Variants in PRIM2 observed in about 807,000 individuals in gnomAD.
The protein encoded by PRIM2 is DNA primase large subunit.
In PRIM2, 39 loss-of-function variants were observed where a neutral mutation model predicts 67.3. The ratio of observed to expected loss-of-function variants is 0.58; its 90% CI spans 0.45 to 0.76. PRIM2 has a LOEUF of 0.76. Among genes scored for constraint, PRIM2 ranks in the 30% least tolerant of loss-of-function variants. PRIM2 has a pLI of 0.00. For missense variants in PRIM2, 398 were observed against 598.7 expected (o/e 0.66, Z 3.50); for synonymous variants, 143 against 198.7 (o/e 0.72, Z 2.36).
chr6:57,296,903 G>A, the PRIM2 span, among the ~76,000 whole-genome samples: 2 of 151,992 alleles, frequency 1.3e-5, no homozygotes, highest in Non-Finnish European at 2.9e-5. Context: ...AAAACAGATG[G>A]GGACATGTTG....
the PRIM2 span, among the ~76,000 whole-genome samples, chr6:57,254,999 C>T: frequency 1.3e-5 from 2 of 152,178 alleles, no homozygotes; most frequent in Non-Finnish European, 2.9e-5. Context: ...GGCCTTTTCC[C>T]TGTACCCAGT....
chr6:57,626,953 T>C (rs1406523306), intron 12 of PRIM2, among the ~76,000 whole-genome samples: 3 of 151,874 alleles, frequency 2.0e-5, no homozygotes, highest in African/African-American at 7.2e-5. Flanking sequence ...ATATTCTTAC[T>C]GGTGGACTTT....
intron 7 of PRIM2, among the ~76,000 whole-genome samples, chr6:57,478,980 C>G (rs1482064625): frequency 2.0e-5 from 3 of 152,136 alleles, no homozygotes; most frequent in African/African-American, 7.2e-5. Flanking sequence ...AACCCCATCT[C>G]TATTAAAAAT....
At chr6:57,572,817 A>T (rs1262731480) in intron 10 of PRIM2, among the ~76,000 whole-genome samples, 1 of 152,224 alleles carries the variant, frequency 6.6e-6, no homozygotes, top group East Asian at 1.9e-4. Context: ...ATTATTTGGT[A>T]TTATAAGGTA....
chr6:57,640,126 G>A (rs2127501429), intron 13 of PRIM2, among the ~76,000 whole-genome samples: 1 of 152,276 alleles, frequency 6.6e-6, no homozygotes, highest in Non-Finnish European at 1.5e-5. Context: ...CAGAACCAAT[G>A]ACAAAAACCA....
chr6:57,610,690 C>A (rs1417122835), intron 12 of PRIM2, among the ~76,000 whole-genome samples: 1 of 151,990 alleles, frequency 6.6e-6, no homozygotes, highest in African/African-American at 2.4e-5. Flanking sequence ...TATGCCCCAA[C>A]AACATAGCTT....
At chr6:57,432,720 A>G (rs1376601246) in intron 7 of PRIM2, among the ~76,000 whole-genome samples, 1 of 152,206 alleles carries the variant, frequency 6.6e-6, no homozygotes, top group South Asian at 2.1e-4. Flanking sequence ...ACAGGATGTT[A>G]AGCTTTTAAA....
the PRIM2 span, among the ~76,000 whole-genome samples, chr6:57,254,415 T>C: frequency 1.3e-5 from 2 of 152,184 alleles, no homozygotes; most frequent in Non-Finnish European, 2.9e-5. Context: ...TCACCACAAC[T>C]TCACCTACTC....
intron 7 of PRIM2, among the ~76,000 whole-genome samples, chr6:57,440,803 C>G (rs896171489): frequency 6.6e-6 from 1 of 152,190 alleles, no homozygotes; most frequent in Non-Finnish European, 1.5e-5. Flanking sequence ...GTGAAGCTGT[C>G]TCTGTCTAAA....
intron 5 of PRIM2, among the ~76,000 whole-genome samples, chr6:57,345,285 A>G (rs1768633461): frequency 6.6e-6 from 1 of 151,804 alleles, no homozygotes; most frequent in Non-Finnish European, 1.5e-5. Context: ...AGCCTCCCTA[A>G]TAGCTGGAAT....
chr6:57,644,491 T>A (rs1309991433), intron 13 of PRIM2, among the ~76,000 whole-genome samples: 1 of 152,244 alleles, frequency 6.6e-6, no homozygotes, highest in Non-Finnish European at 1.5e-5. Flanking sequence ...TATGACTTAC[T>A]GGGTTGGAAA....
chr6:57,605,379 A>C (rs1349618578), intron 11 of PRIM2, among the ~76,000 whole-genome samples: 1 of 152,162 alleles, frequency 6.6e-6, no homozygotes, highest in Admixed American at 6.5e-5. Flanking sequence ...ATCTGGTAGA[A>C]TTTGGCTGTG....
At chr6:57,508,582 T>C (rs1468837750) in intron 8 of PRIM2, among the ~76,000 whole-genome samples, 1 of 152,228 alleles carries the variant, frequency 6.6e-6, no homozygotes, top group Non-Finnish European at 1.5e-5. Flanking sequence ...ATTTTAAAGA[T>C]TTAAGTGTAT....
chr6:57,247,847 T>A, the PRIM2 span, among the ~76,000 whole-genome samples: 3 of 152,232 alleles, frequency 2.0e-5, no homozygotes, highest in Admixed American at 6.5e-5. Flanking sequence ...ACTGTCATTC[T>A]GGATACATTT....
chr6:57,543,749 AT>A lies in PRIM2; in HGVS notation c.1020+6135del, dbSNP rs1310322745. Among the ~76,000 whole-genome samples, 979 of 147,496 alleles carry A rather than the reference AT, an allele frequency of 6.6e-3. 9 individuals are homozygous for A. The highest frequency in any genetic ancestry group is 0.022 in the African/African-American group (878 of 40,452). Reference sequence around the variant, plus strand: ...TTACTTACCTGTGCCTGTTGCAGGCATTTTTTTTTTTAACACTTTGCTTTTA... The same window carrying A: ...TTACTTACCTGTGCCTGTTGCAGGCATTTTTTTTTTAACACTTTGCTTTTA... On this transcript the variant is annotated intron_variant, in intron 10 of 13. Transcript: ENST00000615550.
At chr6:57,298,522 T>C in the PRIM2 span, among the ~76,000 whole-genome samples, 33 of 152,042 alleles carry the variant, frequency 2.2e-4, no homozygotes, top group Non-Finnish European at 4.4e-4. Flanking sequence ...CTTCGGGGGA[T>C]GGCCCTGGGA....
intron 5 of PRIM2, among the ~76,000 whole-genome samples, chr6:57,371,913 A>C (rs1361053402): frequency 6.6e-6 from 1 of 152,262 alleles, no homozygotes; most frequent in Non-Finnish European, 1.5e-5. Context: ...TATGGAATGC[A>C]AAGTGAAAGG....
intron 7 of PRIM2, among the ~76,000 whole-genome samples, chr6:57,385,671 A>T (rs1770120519): frequency 6.6e-6 from 1 of 152,220 alleles, no homozygotes; most frequent in African/African-American, 2.4e-5. Flanking sequence ...TCAGTCTGCA[A>T]TAGATTCTTA....
chr6:57,377,857 A>G (rs1335519028), intron 5 of PRIM2, among the ~76,000 whole-genome samples: 1 of 151,838 alleles, frequency 6.6e-6, no homozygotes, highest in Non-Finnish European at 1.5e-5. Flanking sequence ...TTAGTGATAT[A>G]AAACAACACA....
Sources: gnomAD v4.1 joint callset for allele counts (sites outside exome capture counted in the v4.1 genomes callset) on GRCh38, gnomAD v4.1.1 for gene constraint, MANE v1.5 for transcripts, NCBI Gene and HGNC (gene_info 2026-07-23, HGNC 2026-07-21) for gene names.